Variants in TAB2 observed in about 807,000 individuals in gnomAD.
TAB2 encodes the protein TGF-beta activated kinase 1 (MAP3K7) binding protein 2.
TAB2 carries 3 observed loss-of-function variants against 65.0 expected under a neutral mutation model. That is an observed-to-expected ratio of 0.05 (90% CI 0.02 to 0.12). TAB2 has a LOEUF of 0.12. Ranked by LOEUF, TAB2 falls within the 10% of genes least tolerant of loss-of-function variation. The probability of loss-of-function intolerance (pLI) is 1.00; values close to 1 mark genes in which losing one functional copy is unlikely to be tolerated. For missense variants in TAB2, 623 were observed against 840.3 expected (o/e 0.74, Z 3.20); for synonymous variants, 298 against 285.1 (o/e 1.05, Z -0.46).
In TAB2 at chr6:149,379,665, A is replaced by C. The variant is rs180941878; in HGVS notation, c.1603+147A>C. The C allele has an allele frequency of 7.3e-6, 4 of 544,520 alleles. No homozygotes were observed. In the South Asian group the frequency reaches 1.8e-4, roughly 25 times the overall value. The allele number at this position is 544,520 out of a possible 1,614,324, so 33.7% of individuals were successfully genotyped here. ...TGTTATTGTAACATTTGAGAGTATT[A>C]TATGTATATACATTTTAATTTTAAT... On this transcript the variant is annotated intron_variant, in intron 3 of 6. Coordinates refer to ENST00000637181, the MANE Select transcript of TAB2 (RefSeq NM_001292034.3).
chr6:149,329,143 C>T (rs940081581), intron 1 of TAB2, among the ~76,000 whole-genome samples: 1 of 152,174 alleles, frequency 6.6e-6, no homozygotes, highest in African/African-American at 2.4e-5. Flanking sequence ...CTTCATCCTT[C>T]AAATGGATGG....
At position 149,275,240 on chromosome 6, in the gene TAB2, GAA is replaced by G. The variant is rs1487252341; in HGVS notation, c.-121+56466_-121+56467del. On this transcript the variant is annotated intron_variant, in intron 1 of 1. Coordinates refer to the TAB2 transcript ENST00000606202. The stretch of plus-strand genomic sequence containing the variant: ...GGGGGAGGGGGGAGAGAGAGAGAAA[GAA>G]AGAAAGAAAGAAAGAAAGAAAGAAA... 4.9e-3 allele frequency among the ~76,000 whole-genome samples: 401 copies of G among 81,786 alleles called. 2 individuals are homozygous for G. The highest frequency in any genetic ancestry group is 9.9e-3 in the Admixed American group (80 of 8,060). The allele number at this position is 81,786 out of a possible 152,430, so 53.7% of individuals were successfully genotyped here. A position where few individuals can be genotyped will look rare whatever the true frequency, so the allele number is the denominator to read the frequency against.
chr6:149,275,297 A>AAAGAAAGG (rs201394158), intron 1 of TAB2, among the ~76,000 whole-genome samples: 25 of 141,616 alleles, frequency 1.8e-4, no homozygotes, highest in Non-Finnish European at 2.0e-4. Context: ...AGAAAGAAAG[A>AAAGAAAGG]AAGAGAAAAA....
intron 1 of TAB2, among the ~76,000 whole-genome samples, chr6:149,261,532 AC>A (rs1447256210): frequency 1.3e-5 from 2 of 152,368 alleles, no homozygotes; most frequent in Non-Finnish European, 2.9e-5. Context: ...TCTGGCAACC[AC>A]AAAGATGAAA....
chr6:149,303,924 G>T (rs1374462438), intron 1 of TAB2, among the ~76,000 whole-genome samples: 1 of 152,208 alleles, frequency 6.6e-6, no homozygotes, highest in Non-Finnish European at 1.5e-5. Flanking sequence ...CAGTGCTGAA[G>T]GTTCAAAAGA....
At chr6:149,343,895 T>G (rs188555274) in intron 1 of TAB2, among the ~76,000 whole-genome samples, 1 of 152,322 alleles carries the variant, frequency 6.6e-6, no homozygotes, top group Admixed American at 6.5e-5. Flanking sequence ...GTCTTTTGAT[T>G]TTAGTTCAGT....
intron 6 of TAB2, among the ~76,000 whole-genome samples, chr6:149,404,053 C>A (rs1036283354): frequency 6.6e-6 from 1 of 151,964 alleles, no homozygotes; most frequent in Non-Finnish European, 1.5e-5. Context: ...TGTTTGCAGG[C>A]GACATGATCA....
rs9404021 is a variant in TAB2 at position 149,249,170 on chromosome 6, G to A, written c.-121+30394G>A. ...CACACACATACACACACACACACAC[G>A]CACACACACACACACAGACACCTAC... On this transcript the variant is annotated intron_variant, in intron 1 of 1. Coordinates refer to the TAB2 transcript ENST00000606202. Among the ~76,000 whole-genome samples the A allele has an allele frequency of 1.2e-3, 177 of 150,146 alleles. 1 individual carries two copies. Among genetic ancestry groups the A allele is most frequent in the East Asian group, 9.6e-3 (49 of 5,114 alleles).
intron 1 of TAB2, chr6:149,257,395 A>G (rs1462748140): frequency 2.0e-5 from 3 of 152,154 alleles, no homozygotes; most frequent in Non-Finnish European, 4.4e-5. Context: ...TGTGTGTGGA[A>G]TAGGCATAAA....
chr6:149,327,770 T>C (rs1779662621), intron 1 of TAB2, among the ~76,000 whole-genome samples: 1 of 152,210 alleles, frequency 6.6e-6, no homozygotes, highest in South Asian at 2.1e-4. Context: ...TTATAGGAAA[T>C]GGAAAAATAA....
chr6:149,357,524 GA>G (rs1178490691), intron 1 of TAB2, among the ~76,000 whole-genome samples: 1 of 149,836 alleles, frequency 6.7e-6, no homozygotes, highest in Non-Finnish European at 1.5e-5. Context: ...TATGTAAATG[GA>G]TTACATTATA....
intron 1 of TAB2, among the ~76,000 whole-genome samples, chr6:149,302,770 C>T (rs1778992533): frequency 6.6e-6 from 1 of 152,220 alleles, no homozygotes; most frequent in Admixed American, 6.5e-5. Context: ...CAGCCTCTCC[C>T]CACTTTCTTT....
At chr6:149,274,528 C>T (rs764335152) in intron 1 of TAB2, among the ~76,000 whole-genome samples, 1 of 152,132 alleles carries the variant, frequency 6.6e-6, no homozygotes, top group Non-Finnish European at 1.5e-5. Flanking sequence ...TAATGGGATG[C>T]CTAAGAAGTT....
chr6:149,221,771 A>G (rs1777153857), intron 1 of TAB2, among the ~76,000 whole-genome samples: 1 of 152,176 alleles, frequency 6.6e-6, no homozygotes, highest in Non-Finnish European at 1.5e-5. Context: ...TCCTGGAATG[A>G]AGGAGGGGAG....
chr6:149,292,765 G>GT (rs1220018306), intron 1 of TAB2, among the ~76,000 whole-genome samples: 2 of 152,088 alleles, frequency 1.3e-5, no homozygotes, highest in African/African-American at 4.8e-5. Flanking sequence ...CTCTACCTTA[G>GT]TTAAGCAACA....
intron 1 of TAB2, among the ~76,000 whole-genome samples, chr6:149,361,288 G>A (rs1347436178): frequency 6.6e-6 from 1 of 152,164 alleles, no homozygotes; most frequent in Non-Finnish European, 1.5e-5. Flanking sequence ...CTGAAATCTA[G>A]GTGGAGGCTG....
chr6:149,366,522 G>A (rs1194217670), intron 1 of TAB2, among the ~76,000 whole-genome samples: 1 of 152,090 alleles, frequency 6.6e-6, no homozygotes, highest in Admixed American at 6.6e-5. Context: ...TTATCTGAGT[G>A]TTAGCTACCC....
chr6:149,251,656 A>C (rs1777862513), intron 1 of TAB2, among the ~76,000 whole-genome samples: 1 of 152,176 alleles, frequency 6.6e-6, no homozygotes, highest in Admixed American at 6.5e-5. Flanking sequence ...CACTCATCAA[A>C]TAAGACAGGA....
intron 1 of TAB2, among the ~76,000 whole-genome samples, chr6:149,267,881 T>C (rs1487991756): frequency 6.6e-6 from 1 of 152,204 alleles, no homozygotes; most frequent in African/African-American, 2.4e-5. Context: ...AAATATGGTA[T>C]TATAACCTTA....
Sources: gnomAD v4.1 joint callset for allele counts (sites outside exome capture counted in the v4.1 genomes callset) on GRCh38, gnomAD v4.1.1 for gene constraint, MANE v1.5 for transcripts, NCBI Gene and HGNC (gene_info 2026-07-23, HGNC 2026-07-21) for gene names.